Variants in WNK3 observed in about 807,000 individuals in gnomAD.
The protein encoded by WNK3 is WNK lysine deficient protein kinase 3.
Under a neutral mutation model 116.7 loss-of-function variants are expected in WNK3, and 18 were observed. The observed-to-expected ratio is 0.15, with a 90% CI of 0.11 to 0.23. The LOEUF is 0.23. Ranked by LOEUF, WNK3 falls within the 10% of genes least tolerant of loss-of-function variation. The pLI is 1.00. For synonymous variants in WNK3, 404 were observed against 469.4 expected (o/e 0.86, Z 1.80); for missense variants, 993 against 1,323.8 (o/e 0.75, Z 3.88).
chrX:54,329,495 G>A (rs896336870), intron 2 of WNK3, among the ~76,000 whole-genome samples: 2 of 110,295 alleles, frequency 1.8e-5, no homozygotes, highest in South Asian at 3.9e-4. Context: ...AAAATTAGCC[G>A]GGCATGGTGG....
intron 2 of WNK3, among the ~76,000 whole-genome samples, chrX:54,323,297 A>C (rs1426342563): frequency 9.0e-6 from 1 of 111,201 alleles, no homozygotes; most frequent in Non-Finnish European, 1.9e-5. Flanking sequence ...GTCTAAATCT[A>C]AGCATGAGAA....
exon 20 of WNK3, chrX:54,237,151 T>A: frequency 1.7e-6 from 2 of 1,212,067 alleles, no homozygotes; most frequent in Non-Finnish European, 2.2e-6. Flanking sequence ...AAATTCACTA[T>A]CAGAGCTAGG....
intron 3 of WNK3, 58 bp downstream of exon 3, chrX:54,311,061 T>A: frequency 1.1e-6 from 1 of 888,203 alleles, no homozygotes; most frequent in Non-Finnish European, 1.5e-6. Flanking sequence ...AAAATTGTTA[T>A]GACTCCTGAA....
chrX:54,272,494 G>T (rs1040774611), intron 10 of WNK3, among the ~76,000 whole-genome samples: 9 of 111,355 alleles, frequency 8.1e-5, no homozygotes, highest in Admixed American at 1.9e-4. Flanking sequence ...AGGGAGGAAG[G>T]AAGTAAGGAA....
chrX:54,287,443 G>A (rs1557164171), intron 10 of WNK3, among the ~76,000 whole-genome samples: 1 of 111,287 alleles, frequency 9.0e-6, no homozygotes, highest in African/African-American at 3.3e-5. Flanking sequence ...CTGCTCAAAT[G>A]TTACCTTCTC....
At chrX:54,233,105 GT>G in intron 20 of WNK3, 85 bp from the exon 21 acceptor site, 1 of 722,814 alleles carries the variant, frequency 1.4e-6, no homozygotes, top group Non-Finnish European at 2.1e-6. Context: ...TATAAGTAAA[GT>G]TTAACAAGGA....
intron 10 of WNK3, among the ~76,000 whole-genome samples, chrX:54,264,746 T>C (rs1407856383): frequency 9.9e-5 from 11 of 111,467 alleles, no homozygotes; most frequent in African/African-American, 3.6e-4. Flanking sequence ...ATTCTAATAC[T>C]GCCCCGTTAA....
chrX:54,347,355 A>T (rs889613880), intron 1 of WNK3, among the ~76,000 whole-genome samples: 1 of 111,537 alleles, frequency 9.0e-6, no homozygotes, highest in Non-Finnish European at 1.9e-5. Flanking sequence ...GCGTGGTGGC[A>T]TGTGCCTATG....
chrX:54,327,065 T>C (rs1396290657), intron 2 of WNK3, among the ~76,000 whole-genome samples: 8 of 111,492 alleles, frequency 7.2e-5, no homozygotes, highest in African/African-American at 2.6e-4. Context: ...CTTAAAAAAA[T>C]CAAGTTATGG....
At chrX:54,317,036 G>A (rs1172488759) in intron 2 of WNK3, among the ~76,000 whole-genome samples, 2 of 111,074 alleles carry the variant, frequency 1.8e-5, no homozygotes, top group Admixed American at 1.9e-4. Flanking sequence ...CCAAAACGTA[G>A]AAACAACTCA....
At chrX:54,252,996 A>T (rs2068151786) in intron 13 of WNK3, among the ~76,000 whole-genome samples, 1 of 110,441 alleles carries the variant, frequency 9.1e-6, no homozygotes, top group Admixed American at 9.7e-5. Context: ...AAACCTAACA[A>T]TTCAAAGAAA....
At chrX:54,249,536 G>A (rs1557153651) in exon 17 of WNK3, 1 of 1,211,448 alleles carries the variant, frequency 8.3e-7, no homozygotes, top group South Asian at 1.8e-5. Flanking sequence ...ACATCCTTGT[G>A]TTCTGATTTG....
chrX:54,293,212 G>C (rs782382951), exon 9 of WNK3: 4 of 1,209,194 alleles, frequency 3.3e-6, no homozygotes, highest in Non-Finnish European at 4.5e-6. Flanking sequence ...CAGCCTGCGG[G>C]ATATTAGAAA....
chrX:54,228,057 A>AT (rs1557148217), intron 22 of WNK3, among the ~76,000 whole-genome samples: 1 of 110,206 alleles, frequency 9.1e-6, no homozygotes. Context: ...TGCCTGGCTA[A>AT]TTTTATAGAG....
intron 1 of WNK3, among the ~76,000 whole-genome samples, chrX:54,342,892 G>T (rs1178931113): frequency 1.8e-5 from 2 of 110,156 alleles, no homozygotes; most frequent in African/African-American, 6.6e-5. Context: ...CTGTTACCCA[G>T]GATGGAGTGC....
At chrX:54,211,150 C>T (rs1557143651) in intron 22 of WNK3, among the ~76,000 whole-genome samples, 2 of 111,702 alleles carry the variant, frequency 1.8e-5, no homozygotes, top group African/African-American at 6.5e-5. Flanking sequence ...GATAAATTCT[C>T]CACATGTCAG....
At chrX:54,233,638 A>G (rs1557149561) in intron 20 of WNK3, among the ~76,000 whole-genome samples, 1 of 110,410 alleles carries the variant, frequency 9.1e-6, no homozygotes, top group African/African-American at 3.3e-5. Context: ...AAATACAGTG[A>G]AAGTCAGTAA....
intron 7 of WNK3, 148 bp downstream of exon 7, chrX:54,298,027 C>T (rs782549702): frequency 6.7e-5 from 29 of 434,615 alleles, no homozygotes; most frequent in Non-Finnish European, 9.9e-5. Flanking sequence ...GAGCCGAGAT[C>T]GCACCACTGC....
At chrX:54,199,358 C>T (rs1226556239) in intron 23 of WNK3, among the ~76,000 whole-genome samples, 6 of 110,872 alleles carry the variant, frequency 5.4e-5, no homozygotes, top group East Asian at 5.7e-4. Context: ...TTCTGTTCAA[C>T]TCAACTTCTC....
Sources: allele counts gnomAD v4.1 joint callset (sites outside exome capture counted in the v4.1 genomes callset), GRCh38; gene constraint gnomAD v4.1.1; transcripts MANE v1.5; gene names NCBI Gene and HGNC (gene_info 2026-07-23, HGNC 2026-07-21).